SYNRG: variants seen among roughly 807,000 people sequenced by gnomAD.
SYNRG encodes the protein synergin gamma, also known as AP1 gamma subunit binding protein 1.
Under a neutral mutation model 130.9 loss-of-function variants are expected in SYNRG, and 37 were observed. The observed-to-expected ratio is 0.28, with a 90% CI of 0.22 to 0.37. The LOEUF (loss-of-function observed/expected upper bound fraction) is 0.37. SYNRG is among the 10% of genes least tolerant of loss of function. The pLI, the probability that SYNRG is intolerant of heterozygous loss-of-function variation, is 1.00. For missense variants in SYNRG, 1,338 were observed against 1,588.9 expected (o/e 0.84, Z 2.68); for synonymous variants, 539 against 568.1 (o/e 0.95, Z 0.73).
intron 3 of SYNRG, among the ~76,000 whole-genome samples, chr17:37,591,994 G>C (rs115041435): frequency 6.6e-6 from 1 of 152,068 alleles, no homozygotes; most frequent in African/African-American, 2.4e-5. Context: ...AAAAGACCCC[G>C]TTAAGAGGGT....
chr17:37,609,256 C>G (rs767481713), intron 1 of SYNRG, 23 bp downstream of exon 1: 1 of 1,421,234 alleles, frequency 7.0e-7, no homozygotes. Flanking sequence ...CCAGCGGGCT[C>G]CCGCCCGGCT....
intron 19 of SYNRG, among the ~76,000 whole-genome samples, chr17:37,521,615 G>A (rs2055071287): frequency 1.3e-5 from 2 of 152,142 alleles, no homozygotes; most frequent in African/African-American, 4.8e-5. Flanking sequence ...GCCCAGGTTC[G>A]TATTACTGAC....
At chr17:37,574,159 G>A (rs949271964) in intron 8 of SYNRG, among the ~76,000 whole-genome samples, 1 of 152,026 alleles carries the variant, frequency 6.6e-6, no homozygotes, top group Non-Finnish European at 1.5e-5. Flanking sequence ...CATACATTGG[G>A]GAGGGTCTCT....
At chr17:37,531,687 G>A (rs1254228909) in intron 19 of SYNRG, among the ~76,000 whole-genome samples, 1 of 152,030 alleles carries the variant, frequency 6.6e-6, no homozygotes, top group African/African-American at 2.4e-5. Flanking sequence ...GCTGAGGTGG[G>A]AGAATTGCTA....
intron 1 of SYNRG, among the ~76,000 whole-genome samples, chr17:37,605,615 A>C (rs572596722): frequency 6.6e-6 from 1 of 152,352 alleles, no homozygotes; most frequent in African/African-American, 2.4e-5. Context: ...GACCTATGAA[A>C]AATTCATATT....
intron 9 of SYNRG, 151 bp from the exon 10 acceptor site, chr17:37,571,036 A>G: frequency 2.9e-6 from 3 of 1,052,516 alleles, no homozygotes; most frequent in Non-Finnish European, 2.7e-6. Context: ...AAAAAAAGTT[A>G]CAAGGTCAAT....
chr17:37,529,870 G>A (rs2056431260), intron 19 of SYNRG: 5 of 1,551,030 alleles, frequency 3.2e-6, no homozygotes, highest in African/African-American at 1.4e-5. Context: ...GAAGAGATGG[G>A]TGGCTGATTT....
At chr17:37,541,893 A>G in intron 15 of SYNRG, 79 bp downstream of exon 15, 1 of 1,325,690 alleles carries the variant, frequency 7.5e-7, no homozygotes, top group Non-Finnish European at 1.0e-6. Context: ...ACCAGAGAGC[A>G]ACATTTTATT....
intron 11 of SYNRG, 165 bp downstream of exon 11, chr17:37,568,626 G>A (rs556272788): frequency 1.6e-5 from 11 of 674,002 alleles, no homozygotes; most frequent in Admixed American, 1.6e-4. Flanking sequence ...GGACAAAGGG[G>A]AGAGAAGTTT....
At position 37,553,534 on chromosome 17, in the gene SYNRG, C is replaced by T; in HGVS notation, c.2189G>A (p.Ser730Asn). 5.6e-6 allele frequency: 9 copies of T among 1,614,216 alleles called. No homozygotes were observed. The highest frequency in any genetic ancestry group is 7.6e-6 in the Non-Finnish European group (9 of 1,180,032). The change falls in exon 14 of 22, where the codon AGC becomes AAC. Residue 730 changes from serine to asparagine, a missense_variant. Physicochemically the swap from Ser to Asn is conservative, Grantham distance 46. Around this residue, in one of 3 missense-constraint regions of SYNRG, gnomAD observed 1,146 missense variants for 1,342.3 expected, o/e 0.85. Transcript: ENST00000612223. ...SPVPLTSNVG[S>N]TVKGGQNSTA... ...CGAGTTTTGTCCACCCTTCACTGTG[C>T]TGCCCACGTTGCTGGTTAGAGGAAC... is the stretch of plus-strand genomic sequence containing the variant.
intron 19 of SYNRG, among the ~76,000 whole-genome samples, chr17:37,527,082 C>A (rs2056019821): frequency 6.6e-6 from 1 of 152,164 alleles, no homozygotes; most frequent in Admixed American, 6.5e-5. Context: ...GAAATAAGGA[C>A]TCTGAAATTC....
intron 13 of SYNRG, among the ~76,000 whole-genome samples, chr17:37,560,338 ATT>A (rs879738491): frequency 1.5e-5 from 2 of 136,714 alleles, no homozygotes; most frequent in Non-Finnish European, 3.2e-5. Flanking sequence ...AGCACCTATC[ATT>A]TTTTTTTTTT....
chr17:37,536,376 A>G (rs1352801694), intron 18 of SYNRG: 5 of 492,098 alleles, frequency 1.0e-5, no homozygotes, highest in Non-Finnish European at 1.8e-5. Flanking sequence ...GACCTTAGGC[A>G]AGTCACATAA....
At chr17:37,539,308 C>G (rs2057508619) in intron 16 of SYNRG, 63 bp from the exon 17 acceptor site, 2 of 1,544,368 alleles carry the variant, frequency 1.3e-6, no homozygotes, top group Non-Finnish European at 8.9e-7. Flanking sequence ...ATTGATGACT[C>G]TGTCAATTCA....
At chr17:37,565,113 A>C (rs1409029100) in intron 11 of SYNRG, among the ~76,000 whole-genome samples, 1 of 152,098 alleles carries the variant, frequency 6.6e-6, no homozygotes, top group African/African-American at 2.4e-5. Flanking sequence ...AAAATACAAA[A>C]ATTAGCTGGG....
chr17:37,578,732 G>A (rs1390561266), intron 6 of SYNRG, among the ~76,000 whole-genome samples: 1 of 152,222 alleles, frequency 6.6e-6, no homozygotes, highest in Non-Finnish European at 1.5e-5. Flanking sequence ...CAAATTGACA[G>A]TAAATGGACA....
In SYNRG at chr17:37,577,448, C is replaced by T. The variant is rs757449014; in HGVS notation, c.755G>A (p.Cys252Tyr). Residue 252 changes from cysteine to tyrosine, a missense_variant, in exon 7 of 22, where the codon TGT becomes TAT. Transcript: ENST00000612223. The part of the protein sequence containing the change: ...MASNGVAVDG[C>Y]VSGTTTAEAE... Reference sequence around the variant, plus strand: ...CTCTGCAGTGGTGGTACCACTTACACATCCATCTACAGCAACCCCGTTACT... The same window carrying T: ...CTCTGCAGTGGTGGTACCACTTACATATCCATCTACAGCAACCCCGTTACT... 6.2e-7 allele frequency: 1 copy of T among 1,614,186 alleles called. No individual in the cohort carries two copies. Among genetic ancestry groups the T allele is most frequent in the Admixed American group, 1.7e-5 (1 of 60,012 alleles).
intron 6 of SYNRG, among the ~76,000 whole-genome samples, chr17:37,580,504 T>TGAGAGA (rs1338468452): frequency 2.6e-5 from 3 of 116,328 alleles, no homozygotes; most frequent in South Asian, 2.6e-4. Flanking sequence ...TGTGTGTGTG[T>TGAGAGA]GTGTGTGAGA....
intron 13 of SYNRG, 116 bp from the exon 14 acceptor site, chr17:37,554,175 AC>A: frequency 1.1e-5 from 10 of 885,580 alleles, no homozygotes; most frequent in Non-Finnish European, 1.7e-5. Context: ...ACTTGACATT[AC>A]TTAATAATGT....
Sources: gnomAD v4.1 joint callset for allele counts (sites outside exome capture counted in the v4.1 genomes callset) on GRCh38, gnomAD v4.1.1 for gene constraint, gnomAD v4.1.1 regional missense constraint, MANE v1.5 for transcripts, NCBI Gene and HGNC (gene_info 2026-07-23, HGNC 2026-07-21) for gene names.